NEDD9: variants seen among roughly 807,000 people sequenced by gnomAD.
NEDD9 encodes neural precursor cell expressed, developmentally down-regulated 9, also known as enhancer of filamentation 1.
A neutral mutation model predicts 76.6 loss-of-function variants in NEDD9; 26 were observed. The ratio of observed to expected loss-of-function variants is 0.34; its 90% confidence interval spans 0.25 to 0.47. The LOEUF is 0.47. Among genes scored for constraint, NEDD9 ranks in the 20% least tolerant of loss-of-function variants. The probability of loss-of-function intolerance (pLI) is 1.00; values close to 1 mark genes in which losing one functional copy is unlikely to be tolerated. For synonymous variants in NEDD9, 392 were observed against 414.2 expected (o/e 0.95, Z 0.65); for missense variants, 937 against 1,058.5 (o/e 0.89, Z 1.59).
chr6:11,213,621 A>G lies in NEDD9; in HGVS notation c.119T>C (p.Leu40Pro). The change falls in exon 2 of 7, where the codon CTG becomes CCG. Residue 40 changes from leucine to proline, a missense_variant. Coordinates refer to ENST00000379446, the MANE Select transcript of NEDD9 (RefSeq NM_006403.4). The surrounding 1 kb of genome is among the most constrained non-coding windows in gnomAD (Gnocchi z 5.4). ...TAATGAGCACAGCCACCATCCTTCC[A>G]GTCCCCCTGTGTTCTGCTCTATGAC... ...LTVIEQNTGG[L>P]EGWWLCSLHG... The G allele has an allele frequency of 6.2e-7, 1 of 1,614,174 alleles. No individual in the cohort carries two copies. Among genetic ancestry groups the G allele is most frequent in the Non-Finnish European group, 8.5e-7 (1 of 1,180,034 alleles).
At chr6:11,247,382 TGACCTTAGAA>T (rs1463836804) in intron 3 of NEDD9, among the ~76,000 whole-genome samples, 1 of 152,182 alleles carries the variant, frequency 6.6e-6, no homozygotes, top group African/African-American at 2.4e-5. Context: ...TCATAACACT[TGACCTTAGAA>T]GTAGGCGATC....
intron 1 of NEDD9, among the ~76,000 whole-genome samples, chr6:11,217,705 G>A (rs559805786): frequency 7.2e-5 from 11 of 152,230 alleles, no homozygotes; most frequent in Non-Finnish European, 1.3e-4. Context: ...GCTGAGACAG[G>A]AATTCAGGCC....
In NEDD9 at chr6:11,263,130, C is replaced by T. The variant is rs1035722653; in HGVS notation, c.12+42862G>A. On this transcript the variant is annotated intron_variant, in intron 3 of 3. Coordinates refer to the NEDD9 transcript ENST00000397378. ...CTTTATTTCAAAGCTATTAAATATACGTTCGATGCAGGGGATATGTTCCAG... is the reference window on the plus strand; with the variant it reads ...CTTTATTTCAAAGCTATTAAATATATGTTCGATGCAGGGGATATGTTCCAG... Among the ~76,000 whole-genome samples, 7 of 152,240 alleles carry T rather than the reference C, an allele frequency of 4.6e-5. 1 individual carries two copies. In the South Asian group the frequency reaches 8.3e-4, roughly 18 times the overall value.
At chr6:11,289,544 C>T (rs542034882) in intron 3 of NEDD9, among the ~76,000 whole-genome samples, 22 of 152,296 alleles carry the variant, frequency 1.4e-4, no homozygotes, top group Admixed American at 1.3e-3. Flanking sequence ...CCCCCACCTC[C>T]CGGGTTCACG....
intron 2 of NEDD9, among the ~76,000 whole-genome samples, chr6:11,212,428 C>G (rs768583243): frequency 6.6e-6 from 1 of 152,220 alleles, no homozygotes; most frequent in Non-Finnish European, 1.5e-5. Flanking sequence ...CTGTCTCCCC[C>G]ACGGCAATGT....
At chr6:11,317,775 C>A (rs987500552) in intron 2 of NEDD9, among the ~76,000 whole-genome samples, 1 of 152,140 alleles carries the variant, frequency 6.6e-6, no homozygotes, top group East Asian at 1.9e-4. Flanking sequence ...GGAAGGCACA[C>A]GTGATAGTTA....
At chr6:11,327,315 T>C (rs1462907506) in intron 2 of NEDD9, among the ~76,000 whole-genome samples, 1 of 152,240 alleles carries the variant, frequency 6.6e-6, no homozygotes, top group African/African-American at 2.4e-5. Flanking sequence ...TACTGAGTGA[T>C]ATATAATGAG....
intron 3 of NEDD9, among the ~76,000 whole-genome samples, chr6:11,267,457 G>T (rs1011919683): frequency 3.3e-5 from 5 of 151,702 alleles, no homozygotes; most frequent in Non-Finnish European, 2.9e-5. Context: ...AATGCCTTAA[G>T]ATTTGTACTT....
chr6:11,249,469 G>A (rs1023341042), intron 3 of NEDD9, among the ~76,000 whole-genome samples: 1 of 152,140 alleles, frequency 6.6e-6, no homozygotes, highest in Non-Finnish European at 1.5e-5. Flanking sequence ...CAGCCAGCAG[G>A]AAAGAAGAAT....
Position 11,220,780 on chromosome 6 carries a change from T to C in NEDD9, c.13-7053A>G, listed in dbSNP as rs368933362. Among the ~76,000 whole-genome samples, 7 of 152,190 alleles carry C rather than the reference T, an allele frequency of 4.6e-5. No homozygotes were observed. The East Asian group carries it at 5.8e-4, about 13-fold the overall frequency. Reference sequence around the variant, plus strand: ...GATATGGACAGCATAGCTGTGCAATTACAAAGGGGTTCCTCAAAAGCTGGG... The same window carrying C: ...GATATGGACAGCATAGCTGTGCAATCACAAAGGGGTTCCTCAAAAGCTGGG... On this transcript the variant is annotated intron_variant, in intron 1 of 6. Coordinates refer to ENST00000379446, the MANE Select transcript of NEDD9 (RefSeq NM_006403.4).
chr6:11,243,349 T>G (rs879928828), intron 3 of NEDD9, among the ~76,000 whole-genome samples: 1 of 152,192 alleles, frequency 6.6e-6, no homozygotes, highest in Non-Finnish European at 1.5e-5. Context: ...ATGATGATGA[T>G]CATGATGATA....
intron 3 of NEDD9, among the ~76,000 whole-genome samples, chr6:11,264,465 G>T (rs888274972): frequency 2.0e-5 from 3 of 152,276 alleles, no homozygotes; most frequent in Admixed American, 2.0e-4. Flanking sequence ...TAGCCCAGTT[G>T]TTCCTTGAGT....
At chr6:11,313,338 G>A (rs1233234451) in intron 2 of NEDD9, among the ~76,000 whole-genome samples, 1 of 151,866 alleles carries the variant, frequency 6.6e-6, no homozygotes, top group African/African-American at 2.4e-5. Flanking sequence ...TGGGTGGATA[G>A]ATAGTGGATG....
At chr6:11,304,990 G>A (rs1761143339) in intron 3 of NEDD9, 3 of 975,958 alleles carry the variant, frequency 3.1e-6, no homozygotes, top group Non-Finnish European at 4.1e-6. Flanking sequence ...AATCAAACTT[G>A]TTTTTAATGC....
Position 11,213,470 on chromosome 6 carries a change from C to T in NEDD9, c.270G>A (p.Lys90=). The change falls in exon 2 of 7, where the codon AAG becomes AAA. Residue 90 remains lysine (K), a synonymous_variant. Coordinates refer to ENST00000379446, the MANE Select transcript of NEDD9 (RefSeq NM_006403.4). This position sits in a 1 kb window ranked among gnomAD's most constrained non-coding sequence, Gnocchi z 5.4. ...GLMQQTFGQQ[K]LYQVPNPQAA... ...CCTGTGGGTTTGGCACTTGATAGAG[C>T]TTCTGTTGGCCAAAGGTCTGCTGCA... The T allele has an allele frequency of 6.2e-7, 1 of 1,614,110 alleles. No individual in the cohort carries two copies. Among genetic ancestry groups the T allele is most frequent in the Non-Finnish European group, 8.5e-7 (1 of 1,180,024 alleles).
In NEDD9 at chr6:11,293,767, C is replaced by G. The variant is rs922055995; in HGVS notation, c.12+12225G>C. ...TTCATCTTGTAACTGAAAATGTGTA[C>G]TCTTTGACCAACATCTTTCCAATCC... On this transcript the variant is annotated intron_variant, in intron 3 of 3. Coordinates refer to the NEDD9 transcript ENST00000397378. Among the ~76,000 whole-genome samples, 7 of 152,270 alleles carry G rather than the reference C, an allele frequency of 4.6e-5. No homozygotes were observed. In the South Asian group the frequency reaches 1.4e-3, roughly 32 times the overall value.
chr6:11,319,746 ACACTAACATG>A lies in NEDD9; in HGVS notation c.-152-13601_-152-13592del, dbSNP rs1365851727. 3.1e-4 allele frequency among the ~76,000 whole-genome samples: 24 copies of A among 76,564 alleles called. No homozygotes were observed. The East Asian group carries it at 6.2e-3, about 20-fold the overall frequency. 50.2% of individuals were successfully genotyped at this position (76,564 alleles called of 152,430 possible). A position where few individuals can be genotyped will look rare whatever the true frequency, so the allele number is the denominator to read the frequency against. ...CACTCACACACTAACATGCACACAC[ACACTAACATG>A]CACACTAACATGCACACTCACGCAC... is the stretch of plus-strand genomic sequence containing the variant. On this transcript the variant is annotated intron_variant, in intron 2 of 3. Coordinates refer to the NEDD9 transcript ENST00000397378.
At chr6:11,287,564 A>C (rs940045679) in intron 3 of NEDD9, among the ~76,000 whole-genome samples, 1 of 152,120 alleles carries the variant, frequency 6.6e-6, no homozygotes, top group African/African-American at 2.4e-5. Context: ...CACATAAATA[A>C]AAAGTGTTAT....
chr6:11,270,764 G>A (rs142956116), intron 3 of NEDD9, among the ~76,000 whole-genome samples: 43 of 152,284 alleles, frequency 2.8e-4, no homozygotes, highest in Non-Finnish European at 4.6e-4. Flanking sequence ...AGTTATTTAC[G>A]TTCAGTCTAG....
Sources: gnomAD v4.1 joint callset for allele counts (sites outside exome capture counted in the v4.1 genomes callset) on GRCh38, gnomAD v4.1.1 for gene constraint, Gnocchi (gnomAD v3.1) non-coding constraint, MANE v1.5 for transcripts, NCBI Gene and HGNC (gene_info 2026-07-23, HGNC 2026-07-21) for gene names.